The following XIRP2 variants were observed in gnomAD, a reference collection of about 807,000 sequenced individuals.
XIRP2 encodes xin actin binding repeat containing 2.
XIRP2 carries 236 observed loss-of-function variants against 277.0 expected under a neutral mutation model. The observed-to-expected ratio is 0.85, with a 90% confidence interval of 0.77 to 0.95. The LOEUF (loss-of-function observed/expected upper bound fraction) is 0.95, where lower values mean the gene tolerates loss of function less well. XIRP2 is among the 40% of genes least tolerant of loss of function. XIRP2 has a pLI of 0.00. For synonymous variants in XIRP2, 1,490 were observed against 1,416.5 expected (o/e 1.05, Z -1.17); for missense variants, 4,640 against 4,157.5 (o/e 1.12, Z -3.19).
chr2:167,204,965 T>C (rs978781742), intron 3 of XIRP2, among the ~76,000 whole-genome samples: 64 of 152,336 alleles, frequency 4.2e-4, no homozygotes, highest in East Asian at 5.8e-4. Flanking sequence ...GGGGATTTCT[T>C]AATGTTTTCC....
rs578201875 is a variant in XIRP2, at chr2:167,242,785, G to A, written c.1393G>A (p.Asp465Asn). 6.2e-7 allele frequency: 1 copy of A among 1,614,032 alleles called. No homozygotes were observed. The highest frequency in any genetic ancestry group is 1.6e-4 in the Middle Eastern group (1 of 6,062). ...ACCTGACGTACTTCAAACTTCAGTA[G>A]ATGTGACAGCATTTTCCCAGTCCCC... is the stretch of plus-strand genomic sequence containing the variant. The part of the protein sequence containing the change: ...PPPDVLQTSV[D>N]VTAFSQSPEL... Residue 465 changes from aspartate (D) to asparagine (N), a missense_variant, in exon 9 of 11, where the codon GAT becomes AAT. Transcript: ENST00000409195.
chr2:167,156,654 T>C (rs1692207199), intron 3 of XIRP2, among the ~76,000 whole-genome samples: 1 of 152,208 alleles, frequency 6.6e-6, no homozygotes, highest in South Asian at 2.1e-4. Context: ...CAAAAAGTGA[T>C]TGGGTATGGA....
chr2:167,006,395 C>T (rs909828441), intron 2 of XIRP2, among the ~76,000 whole-genome samples: 6 of 151,720 alleles, frequency 4.0e-5, no homozygotes, highest in African/African-American at 1.5e-4. Context: ...AAGTCTGCTA[C>T]TACTTGGGTG....
At chr2:167,060,355 G>C (rs1006075530) in intron 2 of XIRP2, among the ~76,000 whole-genome samples, 12 of 152,044 alleles carry the variant, frequency 7.9e-5, no homozygotes, top group African/African-American at 2.9e-4. Flanking sequence ...TTTGGTGGGA[G>C]GAGTATTTAC....
intron 3 of XIRP2, among the ~76,000 whole-genome samples, chr2:167,161,787 C>A (rs1692376687): frequency 6.6e-6 from 1 of 152,214 alleles, no homozygotes; most frequent in African/African-American, 2.4e-5. Context: ...CAAATTTCTG[C>A]TGCCAGCTTG....
At chr2:167,154,635 GT>G (rs1385709804) in intron 3 of XIRP2, among the ~76,000 whole-genome samples, 2 of 152,032 alleles carry the variant, frequency 1.3e-5, no homozygotes, top group East Asian at 3.9e-4. Flanking sequence ...TGGCTAGCCA[GT>G]TTTCCTAGCA....
At chr2:166,893,403 G>A (rs770144455) in intron 1 of XIRP2, among the ~76,000 whole-genome samples, 4 of 152,026 alleles carry the variant, frequency 2.6e-5, no homozygotes, top group Non-Finnish European at 5.9e-5. Context: ...TTGAACATAT[G>A]CATATATTTT....
At chr2:167,210,979 A>G in intron 4 of XIRP2, 84 bp downstream of exon 4, 1 of 1,515,480 alleles carries the variant, frequency 6.6e-7, no homozygotes, top group Non-Finnish European at 8.9e-7. Context: ...ATGTAAGAAT[A>G]CTACTGGACA....
intron 2 of XIRP2, among the ~76,000 whole-genome samples, chr2:166,980,582 A>C (rs1305814983): frequency 6.6e-6 from 1 of 151,920 alleles, no homozygotes; most frequent in African/African-American, 2.4e-5. Context: ...ACGTCTGGCT[A>C]ATTTTTTGTA....
At chr2:166,953,496 A>C (rs191550240) in intron 2 of XIRP2, among the ~76,000 whole-genome samples, 63 of 152,080 alleles carry the variant, frequency 4.1e-4, no homozygotes, top group African/African-American at 1.5e-3. Context: ...AAGCAGCATG[A>C]GAACAGACTA....
At chr2:167,071,175 T>A (rs560956327) in intron 2 of XIRP2, among the ~76,000 whole-genome samples, 1 of 152,136 alleles carries the variant, frequency 6.6e-6, no homozygotes, top group South Asian at 2.1e-4. Context: ...AGGGTAGGAG[T>A]CAGAGTCAAA....
At chr2:166,928,390 C>A (rs1511211) in intron 2 of XIRP2, among the ~76,000 whole-genome samples, 48,148 of 151,922 alleles carry the variant, frequency 0.32, 8,094 homozygotes, top group East Asian at 0.53. Flanking sequence ...GGAGGTCCCA[C>A]TATTAGGCTG....
At chr2:167,191,116 G>A (rs1481660521) in intron 3 of XIRP2, among the ~76,000 whole-genome samples, 3 of 150,726 alleles carry the variant, frequency 2.0e-5, no homozygotes, top group African/African-American at 4.9e-5. Context: ...AATCTAGGAG[G>A]TTGAGGCTGC....
At chr2:167,137,050 T>C (rs533831288) in intron 3 of XIRP2, among the ~76,000 whole-genome samples, 1 of 152,302 alleles carries the variant, frequency 6.6e-6, no homozygotes, top group East Asian at 1.9e-4. Context: ...TGTAACAGGA[T>C]CCTCAAATGA....
At chr2:166,971,317 T>C (rs573184286) in intron 2 of XIRP2, among the ~76,000 whole-genome samples, 14 of 152,090 alleles carry the variant, frequency 9.2e-5, no homozygotes, top group Non-Finnish European at 1.8e-4. Flanking sequence ...TCAGTGTTTG[T>C]TGAATAAATG....
At chr2:167,189,172 T>C (rs1393961971) in intron 3 of XIRP2, among the ~76,000 whole-genome samples, 2 of 152,214 alleles carry the variant, frequency 1.3e-5, no homozygotes, top group Non-Finnish European at 2.9e-5. Context: ...ATACTACTTA[T>C]GATTAGGCAA....
At chr2:167,219,600 G>A (rs926024321) in intron 5 of XIRP2, among the ~76,000 whole-genome samples, 2 of 152,164 alleles carry the variant, frequency 1.3e-5, no homozygotes, top group African/African-American at 4.8e-5. Context: ...CTGTGCAGTT[G>A]CACAGGGTCC....
At chr2:167,252,306 T>C (rs1215781020) in intron 9 of XIRP2, among the ~76,000 whole-genome samples, 2 of 151,988 alleles carry the variant, frequency 1.3e-5, no homozygotes, top group African/African-American at 2.4e-5. Flanking sequence ...TGGCCTAATA[T>C]TGACATATTT....
intron 2 of XIRP2, among the ~76,000 whole-genome samples, chr2:166,966,882 T>C (rs1009063993): frequency 1.2e-4 from 18 of 152,140 alleles, no homozygotes; most frequent in Admixed American, 3.9e-4. Flanking sequence ...AATGTAGTGC[T>C]TGGACAAGCA....
Sources: gnomAD v4.1 joint callset for allele counts (sites outside exome capture counted in the v4.1 genomes callset) on GRCh38, gnomAD v4.1.1 for gene constraint, MANE v1.5 for transcripts, NCBI Gene and HGNC (gene_info 2026-07-23, HGNC 2026-07-21) for gene names.